MAP4K3: variants seen among roughly 807,000 people sequenced by gnomAD.
MAP4K3 encodes mitogen-activated protein kinase kinase kinase kinase 3.
Under a neutral mutation model 143.5 loss-of-function variants are expected in MAP4K3, and 94 were observed. The ratio of observed to expected loss-of-function variants is 0.65; its 90% CI spans 0.55 to 0.78. MAP4K3 has a LOEUF of 0.78. MAP4K3 is among the 30% of genes least tolerant of loss of function. The pLI is 0.00. For missense variants in MAP4K3, 1,077 were observed against 1,068.1 expected, an observed-to-expected ratio of 1.01 and a Z score of -0.12; for synonymous variants, 416 against 347.2, an observed-to-expected ratio of 1.20 and a Z score of -2.20.
At chr2:39,274,029 C>A (rs1273475757) in intron 24 of MAP4K3, among the ~76,000 whole-genome samples, 1 of 152,162 alleles carries the variant, frequency 6.6e-6, no homozygotes, top group Non-Finnish European at 1.5e-5. Flanking sequence ...TCTGATACTA[C>A]ATCGATGGTT....
intron 1 of MAP4K3, among the ~76,000 whole-genome samples, chr2:39,414,174 C>T (rs1397417931): frequency 1.3e-5 from 2 of 152,170 alleles, no homozygotes; most frequent in Non-Finnish European, 2.9e-5. Context: ...AACAGAAACA[C>T]TCACCAACCT....
chr2:39,385,883 T>C (rs1225641589), intron 1 of MAP4K3, among the ~76,000 whole-genome samples: 1 of 152,030 alleles, frequency 6.6e-6, no homozygotes, highest in Admixed American at 6.6e-5. Context: ...CCACCCGTCT[T>C]GGCCTCCCAA....
intron 1 of MAP4K3, among the ~76,000 whole-genome samples, chr2:39,422,555 T>C (rs965581409): frequency 9.2e-5 from 14 of 152,116 alleles, no homozygotes; most frequent in African/African-American, 3.4e-4. Context: ...TAGTCTGTGG[T>C]ACTTTCTAAT....
intron 16 of MAP4K3, among the ~76,000 whole-genome samples, chr2:39,293,602 T>C (rs1469976101): frequency 6.6e-6 from 1 of 152,198 alleles, no homozygotes; most frequent in African/African-American, 2.4e-5. Context: ...TGCAGGGTCA[T>C]AGCCAGGAGT....
chr2:39,259,457 CA>C (rs1418535445), intron 29 of MAP4K3, among the ~76,000 whole-genome samples: 5 of 152,044 alleles, frequency 3.3e-5, no homozygotes, highest in Non-Finnish European at 5.9e-5. Flanking sequence ...GGAAGATGAT[CA>C]AAAAGGTAAC....
chr2:39,430,065 G>C (rs57084694), intron 1 of MAP4K3, among the ~76,000 whole-genome samples: 4,575 of 152,224 alleles, frequency 0.03, 235 homozygotes, highest in African/African-American at 0.1. Flanking sequence ...GTATTAATCT[G>C]TTCTCATGCT....
intron 1 of MAP4K3, among the ~76,000 whole-genome samples, chr2:39,378,443 T>C (rs201304282): frequency 6.6e-6 from 1 of 152,150 alleles, no homozygotes; most frequent in East Asian, 1.9e-4. Context: ...ATTATTCTCA[T>C]TTTGCAAGTG....
Position 39,288,298 on chromosome 2 carries a change from A to G in MAP4K3, c.1315-18T>C. ...GACTTAGGCTGAAATAATATAGAAAAAGAGACCAACAATGAAACATCAAAT... is the reference window on the plus strand; with the variant it reads ...GACTTAGGCTGAAATAATATAGAAAGAGAGACCAACAATGAAACATCAAAT... On this transcript the variant is annotated intron_variant, in intron 19 of 33. Coordinates refer to ENST00000263881, the MANE Select transcript of MAP4K3 (RefSeq NM_003618.4). 6.2e-7 allele frequency: 1 copy of G among 1,606,912 alleles called. No homozygotes were observed. Among genetic ancestry groups the G allele is most frequent in the South Asian group, 1.1e-5 (1 of 90,798 alleles).
At chr2:39,383,596 T>C (rs967908047) in intron 1 of MAP4K3, among the ~76,000 whole-genome samples, 26 of 151,986 alleles carry the variant, frequency 1.7e-4, no homozygotes, top group African/African-American at 6.3e-4. Context: ...GTACTCCTGG[T>C]TATGCCTATT....
intron 4 of MAP4K3, among the ~76,000 whole-genome samples, chr2:39,341,654 TA>T (rs1488362937): frequency 3.1e-3 from 436 of 141,298 alleles, no homozygotes; most frequent in Middle Eastern, 3.7e-3. Context: ...AGACTCCGTT[TA>T]AAAAAAAAAA....
At chr2:39,278,200 T>G (rs748520231) in intron 24 of MAP4K3, among the ~76,000 whole-genome samples, 1 of 151,774 alleles carries the variant, frequency 6.6e-6, no homozygotes, top group Non-Finnish European at 1.5e-5. Context: ...GAGAATTGCT[T>G]GAAACTGGTT....
At chr2:39,283,551 CAAAT>C (rs1681632162) in intron 21 of MAP4K3, 1 of 151,878 alleles carries the variant, frequency 6.6e-6, no homozygotes, top group South Asian at 2.1e-4. Context: ...ATATATACAA[CAAAT>C]AGTTTCTCCT....
chr2:39,260,141 T>C (rs1199121120), intron 29 of MAP4K3, among the ~76,000 whole-genome samples: 2 of 152,168 alleles, frequency 1.3e-5, no homozygotes, highest in African/African-American at 2.4e-5. Context: ...AGAGACAGGA[T>C]CTCATTCTGT....
chr2:39,350,953 G>GA (rs1665439851), intron 3 of MAP4K3, among the ~76,000 whole-genome samples: 1 of 151,774 alleles, frequency 6.6e-6, no homozygotes, highest in Admixed American at 6.6e-5. Context: ...TTTCAGAGGG[G>GA]AAAAAATAAA....
chr2:39,327,429 C>T (rs965945189), intron 8 of MAP4K3, among the ~76,000 whole-genome samples: 1 of 152,066 alleles, frequency 6.6e-6, no homozygotes, highest in African/African-American at 2.4e-5. Context: ...TCTAATTATA[C>T]TTCCATAAAT....
chr2:39,304,007 T>C (rs1398935929), intron 15 of MAP4K3, among the ~76,000 whole-genome samples: 2 of 152,200 alleles, frequency 1.3e-5, no homozygotes, highest in African/African-American at 4.8e-5. Context: ...GACAAACTGA[T>C]TTTTATGGTT....
rs749101883 is a variant in MAP4K3, at chr2:39,309,548, ATTTTTTTTT to A, written c.998-38_998-30del. On this transcript the variant is annotated intron_variant, in intron 13 of 33. Transcript: ENST00000263881. ...AAAAAGAAAAAAAAGTAAAACCAGG[ATTTTTTTTT>A]TTTTTTTTTTTTTTTTTTGAGGCAG... is the stretch of plus-strand genomic sequence containing the variant. The A allele has an allele frequency of 1.6e-3, 556 of 339,386 alleles. 2 individuals carry two copies. Among genetic ancestry groups the A allele is most frequent in the African/African-American group, 0.016 (375 of 23,816 alleles). 21.0% of individuals were successfully genotyped at this position (339,386 alleles called of 1,614,324 possible). A position where few individuals can be genotyped will look rare whatever the true frequency, so the allele number is the denominator to read the frequency against.
intron 15 of MAP4K3, chr2:39,303,227 T>C (rs1682575232): frequency 6.0e-6 from 1 of 166,602 alleles, no homozygotes; most frequent in Admixed American, 6.5e-5. Context: ...ACAAATAAGG[T>C]TGTTAGTGAG....
At chr2:39,358,828 C>T (rs762675302) in intron 2 of MAP4K3, among the ~76,000 whole-genome samples, 2 of 152,146 alleles carry the variant, frequency 1.3e-5, no homozygotes, top group African/African-American at 4.8e-5. Context: ...AGGGTAACTG[C>T]CCCCATGATT....
Sources: gnomAD v4.1 joint callset for allele counts (sites outside exome capture counted in the v4.1 genomes callset) on GRCh38, gnomAD v4.1.1 for gene constraint, MANE v1.5 for transcripts, NCBI Gene and HGNC (gene_info 2026-07-23, HGNC 2026-07-21) for gene names.